ECT2: variants seen among roughly 807,000 people sequenced by gnomAD.
The protein encoded by ECT2 is protein ECT2.
Under a neutral mutation model 116.9 loss-of-function variants are expected in ECT2, and 61 were observed. The observed-to-expected ratio is 0.52, with a 90% CI of 0.42 to 0.65. The LOEUF (loss-of-function observed/expected upper bound fraction) is 0.65, where lower values mean the gene tolerates loss of function less well. ECT2 is among the 30% of genes least tolerant of loss of function. ECT2 has a pLI of 0.00. For synonymous variants in ECT2, 358 were observed against 346.4 expected, an observed-to-expected ratio of 1.03 and a Z score of -0.37; for missense variants, 937 against 1,078.7, an observed-to-expected ratio of 0.87 and a Z score of 1.84.
chr3:172,764,325 T>C lies in ECT2; in HGVS notation c.1116T>C (p.Asn372=). The part of the protein sequence containing the change: ...LKKSVSMLSL[N]TPNSNRKRRR... The stretch of plus-strand genomic sequence containing the variant: ...AATCAGTGTCAATGCTTTCTCTAAA[T>C]ACCCCTAACAGCAATCGCAAACGAC... Residue 372 remains asparagine, a synonymous_variant, in exon 12 of 25, where the codon AAT becomes AAC. Transcript: ENST00000392692. 6.2e-7 allele frequency: 1 copy of C among 1,614,158 alleles called. No individual in the cohort carries two copies. Among genetic ancestry groups the C allele is most frequent in the Non-Finnish European group, 8.5e-7 (1 of 1,180,002 alleles).
At chr3:172,751,108 C>T (rs942820688) in intron 1 of ECT2, 1 of 152,288 alleles carries the variant, frequency 6.6e-6, no homozygotes, top group Admixed American at 6.5e-5. Context: ...CTCTTTTGGA[C>T]AGAAGAGTGT....
At chr3:172,765,273 A>T (rs1719135688) in intron 12 of ECT2, among the ~76,000 whole-genome samples, 1 of 150,042 alleles carries the variant, frequency 6.7e-6, no homozygotes, top group South Asian at 2.1e-4. Context: ...GATATTACTT[A>T]CTCATTTCTC....
intron 14 of ECT2, among the ~76,000 whole-genome samples, chr3:172,777,882 G>C (rs1251591287): frequency 1.3e-5 from 2 of 152,210 alleles, no homozygotes; most frequent in Non-Finnish European, 2.9e-5. Context: ...CTGAGCAACA[G>C]AGTGAGACCC....
intron 13 of ECT2, among the ~76,000 whole-genome samples, chr3:172,770,283 G>A (rs13067364): frequency 0.091 from 13,786 of 152,152 alleles, 853 homozygotes; most frequent in Non-Finnish European, 0.14. Flanking sequence ...TACTTTAGTA[G>A]CATTTATTGC....
At chr3:172,766,081 TTGTC>T (rs1252077557) in intron 12 of ECT2, among the ~76,000 whole-genome samples, 8 of 152,232 alleles carry the variant, frequency 5.3e-5, no homozygotes, top group Admixed American at 1.3e-4. Flanking sequence ...AAAATGAACC[TTGTC>T]TGTCTTATTC....
At chr3:172,761,549 T>C in intron 7 of ECT2, 61 bp from the exon 8 acceptor site, 2 of 1,200,592 alleles carry the variant, frequency 1.7e-6, no homozygotes, top group Non-Finnish European at 2.5e-6. Flanking sequence ...GTTAACTGTT[T>C]AGAACTTCCT....
At chr3:172,807,990 T>G in intron 22 of ECT2, 66 bp downstream of exon 22, 1 of 1,415,000 alleles carries the variant, frequency 7.1e-7, no homozygotes, top group Non-Finnish European at 9.5e-7. Context: ...AGACTAAACC[T>G]GTACATTTTT....
intron 18 of ECT2, among the ~76,000 whole-genome samples, chr3:172,797,219 G>A (rs1324471533): frequency 7.0e-6 from 1 of 142,900 alleles, no homozygotes; most frequent in African/African-American, 2.5e-5. Flanking sequence ...TTTTTTTTTA[G>A]AGATGTGCTT....
intron 18 of ECT2, among the ~76,000 whole-genome samples, chr3:172,790,687 A>G (rs1454840765): frequency 6.6e-6 from 1 of 152,066 alleles, no homozygotes; most frequent in Non-Finnish European, 1.5e-5. Context: ...AATTGAAATT[A>G]CTCCTTGATT....
chr3:172,756,946 A>C (rs1717104119), intron 4 of ECT2, 37 bp from the exon 5 acceptor site: 1 of 1,518,872 alleles, frequency 6.6e-7, no homozygotes, highest in Non-Finnish European at 8.9e-7. Flanking sequence ...TTTGATATAT[A>C]AATAATTTTT....
intron 13 of ECT2, among the ~76,000 whole-genome samples, chr3:172,770,901 G>A (rs574569655): frequency 3.9e-5 from 6 of 152,126 alleles, no homozygotes; most frequent in African/African-American, 1.4e-4. Flanking sequence ...GAAGGTATCA[G>A]CATAATAAAG....
chr3:172,778,503 T>C, intron 14 of ECT2, among the ~76,000 whole-genome samples: 1 of 151,880 alleles, frequency 6.6e-6, no homozygotes, highest in East Asian at 1.9e-4. Context: ...TCAATACTGG[T>C]TCACAGCTGT....
intron 12 of ECT2, among the ~76,000 whole-genome samples, chr3:172,767,509 CATT>C (rs1310531086): frequency 3.9e-5 from 6 of 152,092 alleles, no homozygotes; most frequent in Admixed American, 6.6e-5. Context: ...AATTGTTTAT[CATT>C]GAGTAAAATT....
intron 4 of ECT2, among the ~76,000 whole-genome samples, chr3:172,756,151 G>A (rs1576830315): frequency 2.6e-5 from 4 of 151,984 alleles, no homozygotes; most frequent in African/African-American, 9.7e-5. Flanking sequence ...AGTCCTTATC[G>A]CCAAATATAG....
intron 11 of ECT2, 102 bp downstream of exon 11, chr3:172,763,074 A>C: frequency 8.2e-7 from 1 of 1,222,260 alleles, no homozygotes; most frequent in Non-Finnish European, 1.2e-6. Context: ...GAATTTCAGA[A>C]TGATTAAAAC....
In ECT2 at chr3:172,815,685, A is replaced by G; in HGVS notation, c.2482A>G (p.Arg828Gly). The G allele has an allele frequency of 6.2e-7, 1 of 1,603,122 alleles. No homozygotes were observed. Among genetic ancestry groups the G allele is most frequent in the Non-Finnish European group, 8.5e-7 (1 of 1,175,540 alleles). Residue 828 changes from arginine to glycine, a missense_variant, in exon 23 of 25, where the codon AGA becomes GGA. Physicochemically the swap from Arg to Gly is moderately radical, Grantham distance 125 (BLOSUM62 -2). Coordinates refer to ENST00000392692, the MANE Select transcript of ECT2 (RefSeq NM_001258315.2). ...DMDSTLSRAS[R>G]AIKKTSKKVT... is the part of the protein sequence containing the mutation. ...GGACAGTACATTGAGTAGAGCATCA[A>G]GAGCAATAAAAAAGACTTCAAAAAA...
intron 14 of ECT2, among the ~76,000 whole-genome samples, chr3:172,778,379 AG>A (rs924663587): frequency 1.3e-5 from 2 of 152,146 alleles, no homozygotes; most frequent in Non-Finnish European, 2.9e-5. Flanking sequence ...TGTTGTAAGA[AG>A]TAGTGGTATT....
intron 20 of ECT2, among the ~76,000 whole-genome samples, chr3:172,804,537 A>T (rs914359856): frequency 1.3e-5 from 2 of 152,314 alleles, no homozygotes; most frequent in African/African-American, 4.8e-5. Context: ...ATTATATTTT[A>T]TCTGGATTCG....
intron 15 of ECT2, among the ~76,000 whole-genome samples, chr3:172,783,504 A>G (rs1185942599): frequency 1.3e-5 from 2 of 152,122 alleles, no homozygotes; most frequent in Non-Finnish European, 2.9e-5. Context: ...TTTTAAAGTC[A>G]TAGACATTTT....
Sources: allele counts gnomAD v4.1 joint callset (sites outside exome capture counted in the v4.1 genomes callset), GRCh38; gene constraint gnomAD v4.1.1; transcripts MANE v1.5; gene names NCBI Gene and HGNC (gene_info 2026-07-23, HGNC 2026-07-21).